The following DGKZ variants were observed in gnomAD, a reference collection of about 807,000 sequenced individuals.
DGKZ encodes the protein diacylglycerol kinase zeta.
DGKZ carries 45 observed loss-of-function variants against 142.5 expected under a neutral mutation model. That is an observed-to-expected ratio of 0.32 (90% CI 0.25 to 0.40). The LOEUF is 0.40. Ranked by LOEUF, DGKZ falls within the 10% of genes least tolerant of loss-of-function variation. The pLI is 1.00. For missense variants in DGKZ, 755 were observed against 1,306.5 expected (o/e 0.58, Z 6.51); for synonymous variants, 442 against 527.0 (o/e 0.84, Z 2.21).
At chr11:46,374,041 C>A in intron 14 of DGKZ, 116 bp from the exon 15 acceptor site, 1 of 1,147,298 alleles carries the variant, frequency 8.7e-7, no homozygotes, top group South Asian at 1.3e-5. Context: ...GCGGACGCTG[C>A]TGACCAGGAA....
intron 1 of DGKZ, chr11:46,361,640 C>G (rs780500902): frequency 5.6e-5 from 55 of 985,458 alleles, no homozygotes; most frequent in South Asian, 4.7e-4. Flanking sequence ...GCCGCCAGCC[C>G]GGAGCTGGAT....
At chr11:46,352,506 C>G (rs1265239128) in intron 1 of DGKZ, among the ~76,000 whole-genome samples, 2 of 152,212 alleles carry the variant, frequency 1.3e-5, no homozygotes. Context: ...CCCTGAGGCC[C>G]AGGCCCAGCC....
intron 7 of DGKZ, 37 bp from the exon 8 acceptor site, chr11:46,371,450 C>T (rs1409326035): frequency 5.6e-6 from 9 of 1,605,042 alleles, no homozygotes; most frequent in Non-Finnish European, 7.7e-6. Context: ...CGAGTCTGAA[C>T]ACGGTCCCGC....
rs766035379 is a variant in DGKZ, at chr11:46,376,517, C to G, written c.2162-7C>G. ...TCCCTGATCCTCAGCTGCCCTCTCTCCCACAGCCACCACTGCCAGCCGCTT... is the reference window on the plus strand; with the variant it reads ...TCCCTGATCCTCAGCTGCCCTCTCTGCCACAGCCACCACTGCCAGCCGCTT... On this transcript the variant is annotated splice_region_variant and splice_polypyrimidine_tract_variant and intron_variant, in intron 23 of 30. Coordinates refer to ENST00000527911, the Ensembl canonical transcript of DGKZ. 2 of 1,613,746 alleles carry G rather than the reference C, an allele frequency of 1.2e-6. No homozygotes were observed. Among genetic ancestry groups the G allele is most frequent in the Non-Finnish European group, 1.7e-6 (2 of 1,179,994 alleles).
Position 46,375,978 on chromosome 11 carries a change from G to A in DGKZ, c.2011+27G>A. ...TGAGTGCGGTGGGGCGGCCTGGCAG[G>A]GTGGCCAGGAGGGGCTGAAGCAGCC... On this transcript the variant is annotated intron_variant, in intron 21 of 30. Coordinates refer to ENST00000527911, the Ensembl canonical transcript of DGKZ. 3.1e-6 allele frequency: 5 copies of A among 1,611,634 alleles called. No homozygotes were observed. The South Asian group carries it at 4.4e-5, about 14-fold the overall frequency.
chr11:46,370,553 G>A (rs1943828019), intron 6 of DGKZ, among the ~76,000 whole-genome samples: 1 of 152,180 alleles, frequency 6.6e-6, no homozygotes, highest in African/African-American at 2.4e-5. Context: ...GATGAACAGG[G>A]AATGAATGTG....
intron 1 of DGKZ, chr11:46,366,354 C>A: frequency 6.5e-7 from 1 of 1,532,824 alleles, no homozygotes; most frequent in Non-Finnish European, 8.7e-7. Flanking sequence ...ACAGGCAAGG[C>A]CCGGCGTCGC....
chr11:46,378,898 G>T (rs867196723), intron 27 of DGKZ, 93 bp from the exon 28 acceptor site: 22 of 1,479,838 alleles, frequency 1.5e-5, no homozygotes, highest in Middle Eastern at 2.5e-4. Context: ...TTTCAGGCCT[G>T]TGCTGGTGTA....
At chr11:46,377,983 G>A (rs1944748384) in intron 25 of DGKZ, 3 of 622,740 alleles carry the variant, frequency 4.8e-6, no homozygotes, top group African/African-American at 1.8e-5. Flanking sequence ...TATTTGACTT[G>A]TTTGTATCCC....
chr11:46,376,922 A>C (rs1236282544), intron 24 of DGKZ, 151 bp from the exon 25 acceptor site: 2 of 695,988 alleles, frequency 2.9e-6, no homozygotes, highest in Admixed American at 5.4e-5. Flanking sequence ...AATGGGAAGG[A>C]GTGGGAGAGG....
chr11:46,364,879 C>G, intron 1 of DGKZ: 2 of 985,462 alleles, frequency 2.0e-6, no homozygotes, highest in Non-Finnish European at 1.2e-6. Flanking sequence ...AGGGCTGTGA[C>G]CTTGACCTCT....
chr11:46,364,959 G>C (rs1943086979), intron 1 of DGKZ: 25 of 985,356 alleles, frequency 2.5e-5, no homozygotes, highest in Non-Finnish European at 3.0e-5. Flanking sequence ...GAGATCACCT[G>C]CTGTGGGGCA....
chr11:46,380,345 G>A (rs991068559), downstream of DGKZ: 1 of 162,804 alleles, frequency 6.1e-6, no homozygotes, highest in Non-Finnish European at 1.3e-5. Flanking sequence ...CCCCGCTCCT[G>A]CCCCACCCCA....
At chr11:46,380,248 G>A in exon 31 of DGKZ, 2 of 262,990 alleles carry the variant, frequency 7.6e-6, no homozygotes, top group Non-Finnish European at 1.5e-5. Flanking sequence ...CGCAGCAGAT[G>A]CCCTCCCAGG....
chr11:46,361,692 TG>T, intron 1 of DGKZ: 5 of 985,386 alleles, frequency 5.1e-6, no homozygotes, highest in Non-Finnish European at 6.0e-6. Flanking sequence ...ACCTGCGCCC[TG>T]CCTTCCAGAT....
intron 1 of DGKZ, among the ~76,000 whole-genome samples, chr11:46,352,043 C>T (rs12285596): frequency 0.035 from 5,391 of 152,278 alleles, 344 homozygotes; most frequent in African/African-American, 0.12. Flanking sequence ...AGCTGAGGCT[C>T]CAGGCAGCTG....
chr11:46,374,872 C>G, intron 18 of DGKZ, 33 bp downstream of exon 18: 1 of 1,582,038 alleles, frequency 6.3e-7, no homozygotes, highest in Non-Finnish European at 8.6e-7. Context: ...TGGGGGGAGC[C>G]CTGCTGTCCT....
At chr11:46,369,166 ACT>A (rs1943662750) in intron 4 of DGKZ, 1 of 391,488 alleles carries the variant, frequency 2.6e-6, no homozygotes, top group African/African-American at 2.1e-5. Flanking sequence ...ACAGAGCGAG[ACT>A]CTGTCTCAAA....
chr11:46,378,503 A>G lies in DGKZ; in HGVS notation c.2418+3A>G, dbSNP rs1944818084. 1 of 1,612,848 alleles carries G rather than the reference A, an allele frequency of 6.2e-7. No individual in the cohort carries two copies. The highest frequency in any genetic ancestry group is 1.3e-5 in the African/African-American group (1 of 74,922). On this transcript the variant is annotated splice_donor_region_variant and intron_variant, in intron 27 of 30. Transcript: ENST00000527911. ...CCAAGAGGAACGACTTCTGTAAGGT[A>G]CTAGCTCCAGGCTCCAGTTCCTTCC...
Sources: gnomAD v4.1 joint callset for allele counts (sites outside exome capture counted in the v4.1 genomes callset) on GRCh38, gnomAD v4.1.1 for gene constraint, MANE v1.5 for transcripts, NCBI Gene and HGNC (gene_info 2026-07-23, HGNC 2026-07-21) for gene names.